The following EHMT1 variants were observed in gnomAD, a reference collection of about 807,000 sequenced individuals.
The protein encoded by EHMT1 is euchromatic histone lysine methyltransferase 1, also known as histone-lysine N-methyltransferase EHMT1.
EHMT1 carries 15 observed loss-of-function variants against 147.2 expected under a neutral mutation model. The observed-to-expected ratio is 0.10, with a 90% CI of 0.07 to 0.16. The LOEUF (loss-of-function observed/expected upper bound fraction) is 0.16, where lower values mean the gene tolerates loss of function less well. EHMT1 is among the 10% of genes least tolerant of loss of function. The pLI, the probability that EHMT1 is intolerant of heterozygous loss-of-function variation, is 1.00. For missense variants in EHMT1, 1,587 were observed against 1,772.4 expected (o/e 0.90, Z 1.88); for synonymous variants, 795 against 709.6 (o/e 1.12, Z -1.91).
intron 19 of EHMT1, among the ~76,000 whole-genome samples, chr9:137,812,058 C>T (rs1281210165): frequency 6.6e-6 from 1 of 152,158 alleles, no homozygotes; most frequent in East Asian, 1.9e-4. Flanking sequence ...AGACCTTCAG[C>T]TGGGTGGTGG....
At chr9:137,734,728 C>G (rs544196716) in intron 4 of EHMT1, among the ~76,000 whole-genome samples, 1 of 152,300 alleles carries the variant, frequency 6.6e-6, no homozygotes, top group African/African-American at 2.4e-5. Context: ...ATCACATACA[C>G]GTTTCCTCAG....
At chr9:137,808,384 A>C (rs906886259) in intron 18 of EHMT1, among the ~76,000 whole-genome samples, 1 of 152,170 alleles carries the variant, frequency 6.6e-6, no homozygotes, top group Admixed American at 6.5e-5. Flanking sequence ...GCTCCCTCAC[A>C]GACTCGCCTC....
At chr9:137,691,332 A>AT (rs963338749) in intron 1 of EHMT1, among the ~76,000 whole-genome samples, 6 of 145,818 alleles carry the variant, frequency 4.1e-5, no homozygotes, top group African/African-American at 7.8e-5. Flanking sequence ...TATAAAATAT[A>AT]TTTTTTTTTC....
At chr9:137,777,048 T>C (rs950177450) in intron 12 of EHMT1, 2 of 579,498 alleles carry the variant, frequency 3.5e-6, no homozygotes, top group Non-Finnish European at 6.1e-6. Flanking sequence ...TTTGGTTATG[T>C]AGATCCATTT....
intron 16 of EHMT1, among the ~76,000 whole-genome samples, chr9:137,795,686 C>T (rs1425118085): frequency 2.6e-5 from 4 of 151,830 alleles, no homozygotes; most frequent in Admixed American, 6.6e-5. Flanking sequence ...CTGAATGAAA[C>T]GATCCTATTG....
intron 22 of EHMT1, 161 bp from the exon 23 acceptor site, chr9:137,815,786 C>A (rs546947073): frequency 1.7e-5 from 12 of 697,376 alleles, no homozygotes; most frequent in Middle Eastern, 3.1e-4. Context: ...CCAAACCGTA[C>A]ACATGGAGTT....
intron 25 of EHMT1, among the ~76,000 whole-genome samples, chr9:137,827,224 A>G (rs1437538859): frequency 6.6e-6 from 1 of 152,144 alleles, no homozygotes; most frequent in Non-Finnish European, 1.5e-5. Context: ...AACCAGATGC[A>G]GCCAGGCCTC....
chr9:137,677,986 G>A (rs1261028852), intron 1 of EHMT1, among the ~76,000 whole-genome samples: 2 of 151,764 alleles, frequency 1.3e-5, no homozygotes, highest in African/African-American at 2.4e-5. Context: ...GGAGAATGGC[G>A]TGAACCCGGG....
At chr9:137,690,847 A>G (rs1375372131) in intron 1 of EHMT1, among the ~76,000 whole-genome samples, 1 of 152,210 alleles carries the variant, frequency 6.6e-6, no homozygotes, top group Non-Finnish European at 1.5e-5. Flanking sequence ...CCACATGTAC[A>G]TGTCCAAGAG....
At chr9:137,724,984 C>A (rs542678095) in intron 3 of EHMT1, among the ~76,000 whole-genome samples, 1 of 140,630 alleles carries the variant, frequency 7.1e-6, no homozygotes, top group East Asian at 2.1e-4. Context: ...GTGTGGCAGA[C>A]GTGTGGCATT....
intron 1 of EHMT1, among the ~76,000 whole-genome samples, chr9:137,644,151 C>T (rs1025087137): frequency 1.1e-4 from 17 of 152,148 alleles, no homozygotes; most frequent in Non-Finnish European, 2.4e-4. Context: ...TGCGGAGCAG[C>T]ACTATGGCCC....
At chr9:137,645,668 A>G (rs1197335345) in intron 1 of EHMT1, among the ~76,000 whole-genome samples, 1 of 152,044 alleles carries the variant, frequency 6.6e-6, no homozygotes, top group East Asian at 1.9e-4. Flanking sequence ...TGTCTTTTTC[A>G]CTCGATTCCA....
rs760239482 is a variant in EHMT1, at chr9:137,717,040, C to A, written c.500C>A (p.Ala167Asp). The change falls in exon 3 of 27, where the codon GCT (alanine) becomes GAT (aspartate). Residue 167 changes from alanine (A) to aspartate (D), a missense_variant. Around this residue, in one of 7 missense-constraint regions of EHMT1, gnomAD observed 810 missense variants for 673.0 expected, o/e 1.20. Transcript: ENST00000460843. ...GCTGGCAAAGGCAGGACTCCAAGCG[C>A]TTTTCCCCAGACGCCAGCCGCCCCA... The part of the protein sequence containing the change: ...GGAGKGRTPS[A>D]FPQTPAAPPA... The A allele has an allele frequency of 2.5e-6, 4 of 1,607,096 alleles. No homozygotes were observed. Among genetic ancestry groups the A allele is most frequent in the Non-Finnish European group, 3.4e-6 (4 of 1,175,990 alleles).
chr9:137,827,325 C>T (rs1955875609), intron 25 of EHMT1, among the ~76,000 whole-genome samples: 1 of 152,178 alleles, frequency 6.6e-6, no homozygotes, highest in South Asian at 2.1e-4. Context: ...CCTGCACCCT[C>T]TCACTTCTCA....
intron 7 of EHMT1, among the ~76,000 whole-genome samples, 156 bp downstream of exon 7, chr9:137,752,564 C>T (rs2136193329): frequency 6.6e-6 from 1 of 152,318 alleles, no homozygotes; most frequent in South Asian, 2.1e-4. Flanking sequence ...GGGTCCTGTC[C>T]CTGGCAAAGC....
At position 137,796,523 on chromosome 9, in the gene EHMT1, T is replaced by C. The variant is rs1373035455; in HGVS notation, c.2506-2290T>C. Among the ~76,000 whole-genome samples, 14 of 151,400 alleles carry C rather than the reference T, an allele frequency of 9.2e-5. No individual in the cohort carries two copies. The East Asian group carries it at 2.5e-3, about 27-fold the overall frequency. ...ATCGAGGCCATCCTGGCTAACACAG[T>C]GAAACCCCGTCTCTACTAAAAATAC... is the stretch of plus-strand genomic sequence containing the variant. On this transcript the variant is annotated intron_variant, in intron 16 of 26. Transcript: ENST00000460843.
At chr9:137,710,053 G>GGTCCT (rs1464747683) in intron 1 of EHMT1, among the ~76,000 whole-genome samples, 6 of 152,026 alleles carry the variant, frequency 3.9e-5, no homozygotes, top group Non-Finnish European at 8.8e-5. Flanking sequence ...TGGACTCCAT[G>GGTCCT]GTCCTGCTGC....
At chr9:137,814,123 G>C in intron 21 of EHMT1, 1 of 382,346 alleles carries the variant, frequency 2.6e-6, no homozygotes, top group Non-Finnish European at 4.8e-6. Context: ...CTTTCCCATC[G>C]AGCATCTGGC....
At position 137,717,122 on chromosome 9, in the gene EHMT1, T is replaced by A. The variant is rs1421646407; in HGVS notation, c.582T>A (p.Pro194=). 6.2e-7 allele frequency: 1 copy of A among 1,612,552 alleles called. No homozygotes were observed. Among genetic ancestry groups the A allele is most frequent in the South Asian group, 1.1e-5 (1 of 91,088 alleles). The change falls in exon 3 of 27, where the codon CCT becomes CCA. Residue 194 remains proline, a synonymous_variant. Transcript: ENST00000460843. ...ADTEDRKLPA[P]GADVKVHRAR... Reference sequence around the variant, plus strand: ...CAGAGGACAGGAAGCTCCCGGCCCCTGGCGCCGACGTCAAGGTCCACAGGG... The same window carrying A: ...CAGAGGACAGGAAGCTCCCGGCCCCAGGCGCCGACGTCAAGGTCCACAGGG...
Sources: allele counts gnomAD v4.1 joint callset (sites outside exome capture counted in the v4.1 genomes callset), GRCh38; gene constraint gnomAD v4.1.1; regional missense constraint gnomAD v4.1.1; transcripts MANE v1.5; gene names NCBI Gene and HGNC (gene_info 2026-07-23, HGNC 2026-07-21).